IL17B: variants seen among roughly 807,000 people sequenced by gnomAD.
The protein encoded by IL17B is interleukin 17B.
IL17B carries 14 observed loss-of-function variants against 14.7 expected under a neutral mutation model. The ratio of observed to expected loss-of-function variants is 0.95; its 90% CI spans 0.63 to 1.49. IL17B has a LOEUF of 1.49. Ranked by LOEUF, IL17B falls within the 40% of genes most tolerant of loss-of-function variation. The probability of loss-of-function intolerance (pLI) is 0.00; values close to 1 mark genes in which losing one functional copy is unlikely to be tolerated. For missense variants in IL17B, 233 were observed against 252.8 expected (o/e 0.92, Z 0.53); for synonymous variants, 105 against 94.8 (o/e 1.11, Z -0.62).
At chr5:149,391,945 C>G (rs1758977582) in intron 1 of IL17B, among the ~76,000 whole-genome samples, 1 of 152,222 alleles carries the variant, frequency 6.6e-6, no homozygotes, top group Non-Finnish European at 1.5e-5. Flanking sequence ...CCTCCTTTCT[C>G]CCCATGCCCT....
chr5:149,381,053 C>T (rs1454595893), upstream of IL17B, among the ~76,000 whole-genome samples: 2 of 152,180 alleles, frequency 1.3e-5, no homozygotes, highest in Non-Finnish European at 2.9e-5. Flanking sequence ...GCTCTCTGCA[C>T]ACACTCTGCT....
chr5:149,387,854 G>A lies in IL17B; in HGVS notation n.96-10829C>T, dbSNP rs1424651116. Among the ~76,000 whole-genome samples, 8 of 151,584 alleles carry A rather than the reference G, an allele frequency of 5.3e-5. No individual in the cohort carries two copies. In the East Asian group the frequency reaches 5.8e-4, roughly 11 times the overall value. The stretch of plus-strand genomic sequence containing the variant: ...TTTTATTTACTTGCTGGATCAACAC[G>A]TGAATGTAAGTATTTTACAGAAGAA... On this transcript the variant is annotated intron_variant and non_coding_transcript_variant, in intron 1 of 2. Transcript: ENST00000505432.
In IL17B at chr5:149,392,955, T is replaced by TGC. The variant is rs201599504; in HGVS notation, n.95+11152_95+11153insGC. 1.6e-3 allele frequency among the ~76,000 whole-genome samples: 246 copies of TGC among 150,760 alleles called. 2 individuals carry two copies. The East Asian group carries it at 0.042, about 26-fold the overall frequency. On this transcript the variant is annotated intron_variant and non_coding_transcript_variant, in intron 1 of 2. Transcript: ENST00000505432. ...GTGTACGTGCGTGTGTGCGTGCGTG[T>TGC]GTGCGTGTGTGTGCGCGCGTGCGTG...
chr5:149,378,572 C>T (rs529190636), intron 1 of IL17B, among the ~76,000 whole-genome samples: 1 of 152,408 alleles, frequency 6.6e-6, no homozygotes, highest in East Asian at 1.9e-4. Context: ...CCCACAGCCC[C>T]ATGGCCCATG....
chr5:149,376,731 C>G lies in IL17B; in HGVS notation c.311+5G>C. 1.3e-6 allele frequency: 2 copies of G among 1,597,754 alleles called. No homozygotes were observed. The highest frequency in any genetic ancestry group is 2.3e-5 in the South Asian group (2 of 87,872). ...AAGACAGCTTGCCACCACTGCCCAG[C>G]CTACCTGTAGCCCCAGGGAGACAGG... On this transcript the variant is annotated splice_donor_5th_base_variant and intron_variant, in intron 2 of 2. Transcript: ENST00000261796.
At position 149,376,940 on chromosome 5, in the gene IL17B, C is replaced by G. The variant is rs1461352404; in HGVS notation, c.107G>C (p.Gly36Ala). The G allele has an allele frequency of 1.9e-6, 3 of 1,613,018 alleles. No individual in the cohort carries two copies. Among genetic ancestry groups the G allele is most frequent in the Non-Finnish European group, 2.5e-6 (3 of 1,179,660 alleles). The change falls in exon 2 of 3, where the codon GGG (glycine) becomes GCG (alanine). Residue 36 changes from glycine to alanine, a missense_variant. Physicochemically the swap from Gly to Ala is moderately conservative, Grantham distance 60 (BLOSUM62 0). Transcript: ENST00000261796. ...CTGGTGAGGGCCAGGGGCCAGGGGC[C>G]CAGGCCGCCCTTGCCCCTTCCTCTT... Reference protein sequence around the residue: ...KSKRKGQGRPGPLAPGPHQVP... With the variant: ...KSKRKGQGRPAPLAPGPHQVP...
intron 1 of IL17B, among the ~76,000 whole-genome samples, chr5:149,397,375 G>A (rs1042324157): frequency 1.3e-5 from 2 of 152,128 alleles, no homozygotes; most frequent in Non-Finnish European, 2.9e-5. Context: ...TGCCATGTTG[G>A]CCAGGCTGGT....
intron 1 of IL17B, among the ~76,000 whole-genome samples, chr5:149,390,623 A>ACACC: frequency 6.8e-6 from 1 of 147,698 alleles, no homozygotes; most frequent in South Asian, 2.2e-4. Context: ...ACACACACAC[A>ACACC]CACACACAGA....
upstream of IL17B, among the ~76,000 whole-genome samples, chr5:149,380,118 C>A (rs1317567394): frequency 1.3e-5 from 2 of 152,154 alleles, no homozygotes; most frequent in African/African-American, 4.8e-5. Context: ...TTACTGTCAG[C>A]CTCAGTTCCC....
intron 1 of IL17B, among the ~76,000 whole-genome samples, chr5:149,389,001 A>G (rs1758885226): frequency 6.6e-6 from 1 of 152,256 alleles, no homozygotes; most frequent in South Asian, 2.1e-4. Context: ...GTAAGGCCAT[A>G]ACGTAAAGTC....
intron 1 of IL17B, among the ~76,000 whole-genome samples, chr5:149,397,345 T>G (rs1053641458): frequency 1.3e-5 from 2 of 152,168 alleles, no homozygotes; most frequent in Non-Finnish European, 2.9e-5. Flanking sequence ...ATTTTTGTAT[T>G]TTTAGTAGAG....
chr5:149,377,950 T>C (rs1172946073), intron 1 of IL17B, among the ~76,000 whole-genome samples: 2 of 152,108 alleles, frequency 1.3e-5, no homozygotes, highest in Non-Finnish European at 2.9e-5. Context: ...GAGACCATCC[T>C]GGCTAACACT....
chr5:149,386,561 T>G (rs1048562791), intron 1 of IL17B, among the ~76,000 whole-genome samples: 1 of 152,184 alleles, frequency 6.6e-6, no homozygotes, highest in Non-Finnish European at 1.5e-5. Flanking sequence ...ATATCTTGCC[T>G]AGGATGTTCT....
At chr5:149,391,655 C>T (rs1263184556) in intron 1 of IL17B, among the ~76,000 whole-genome samples, 3 of 152,206 alleles carry the variant, frequency 2.0e-5, no homozygotes, top group Admixed American at 6.5e-5. Flanking sequence ...TCTCCTTCAT[C>T]TCTCAAGTGT....
chr5:149,388,470 T>A (rs1758871464), intron 1 of IL17B, among the ~76,000 whole-genome samples: 1 of 152,222 alleles, frequency 6.6e-6, no homozygotes, highest in Non-Finnish European at 1.5e-5. Context: ...GGCTTCTCAG[T>A]GATACTATTG....
intron 1 of IL17B, among the ~76,000 whole-genome samples, chr5:149,388,315 A>G (rs992774593): frequency 1.3e-5 from 2 of 152,196 alleles, no homozygotes; most frequent in Admixed American, 1.3e-4. Context: ...TGTCTTCCAT[A>G]TTGGGATTCC....
chr5:149,402,990 G>A (rs1226599721), intron 1 of IL17B, among the ~76,000 whole-genome samples: 9 of 115,174 alleles, frequency 7.8e-5, no homozygotes, highest in Non-Finnish European at 1.3e-4. Flanking sequence ...GTTACACAGT[G>A]AGACTCCATC....
chr5:149,387,053 C>T (rs1438281315), intron 1 of IL17B, among the ~76,000 whole-genome samples: 2 of 150,234 alleles, frequency 1.3e-5, no homozygotes, highest in African/African-American at 2.4e-5. Flanking sequence ...CTAACAGTAT[C>T]GATATTTTAG....
intron 1 of IL17B, 96 bp downstream of exon 1, chr5:149,379,109 A>C (rs1581385509): frequency 6.7e-7 from 1 of 1,493,654 alleles, no homozygotes; most frequent in Middle Eastern, 1.7e-4. Context: ...CAGATTCTAA[A>C]CCAAACAGAG....
Sources: allele counts gnomAD v4.1 joint callset (sites outside exome capture counted in the v4.1 genomes callset), GRCh38; gene constraint gnomAD v4.1.1; transcripts MANE v1.5; gene names NCBI Gene and HGNC (gene_info 2026-07-23, HGNC 2026-07-21).